PRKCZ: variants seen among roughly 807,000 people sequenced by gnomAD.
The protein encoded by PRKCZ is protein kinase C zeta, also known as protein kinase C zeta type.
In PRKCZ, 33 loss-of-function variants were observed where a neutral mutation model predicts 79.5. That is an observed-to-expected ratio of 0.41 (90% confidence interval 0.31 to 0.55). PRKCZ has a LOEUF of 0.55. PRKCZ is among the 20% of genes least tolerant of loss of function. PRKCZ has a pLI of 0.19. For missense variants in PRKCZ, 578 were observed against 813.5 expected, an observed-to-expected ratio of 0.71 and a Z score of 3.52; for synonymous variants, 342 against 320.9, an observed-to-expected ratio of 1.07 and a Z score of -0.70.
Position 2,184,644 on chromosome 1 carries a change from A to G in PRKCZ, c.1637A>G (p.Asp546Gly), listed in dbSNP as rs756365403. Residue 546 changes from aspartate (D) to glycine (G), a missense_variant, in exon 17 of 18, where the codon GAC (aspartate) becomes GGC (glycine). By Grantham distance (94) the Asp-to-Gly change is moderately conservative (BLOSUM62 -1). Around this residue, in one of 4 missense-constraint regions of PRKCZ, gnomAD observed 243 missense variants for 467.0 expected, o/e 0.52. Coordinates refer to ENST00000378567, the MANE Select transcript of PRKCZ (RefSeq NM_002744.6). ...CAGATCACAGACGACTACGGTCTGG[A>G]CAACTTTGACACACAGTTCACCAGC... is the stretch of plus-strand genomic sequence containing the variant. Reference protein sequence around the residue: ...QPQITDDYGLDNFDTQFTSEP... With the variant: ...QPQITDDYGLGNFDTQFTSEP... The G allele has an allele frequency of 7.4e-6, 12 of 1,614,058 alleles. No individual in the cohort carries two copies. The highest frequency in any genetic ancestry group is 1.3e-5 in the African/African-American group (1 of 75,036).
chr1:2,173,755 GA>G lies in PRKCZ; in HGVS notation c.1286-140del. The G allele has an allele frequency of 8.1e-7, 1 of 1,232,918 alleles. No homozygotes were observed. Among genetic ancestry groups the G allele is most frequent in the Non-Finnish European group, 1.1e-6 (1 of 911,918 alleles). The allele number at this position is 1,232,918 out of a possible 1,614,324, so 76.4% of individuals were successfully genotyped here. A position where few individuals can be genotyped will look rare whatever the true frequency, so the allele number is the denominator to read the frequency against. ...AGGTGCTGGTTCTGTTTGGGAAGTG[GA>G]AGTCACAGAGGCCTGTGTGCCGCCT... On this transcript the variant is annotated intron_variant, in intron 13 of 17. Transcript: ENST00000378567. This position sits in a 1 kb window ranked among gnomAD's most constrained non-coding sequence, Gnocchi z 5.7.
chr1:2,055,489 C>G lies in PRKCZ; in HGVS notation c.120C>G (p.Leu40=), dbSNP rs1182791168. ...ACGCCGCCACGACCTTCGAGGAGCT[C>G]TGTGAGGAAGTGAGAGACATGTGTC... is the stretch of plus-strand genomic sequence containing the variant. The part of the protein sequence containing the change: ...SVDAATTFEE[L]CEEVRDMCRL... Residue 40 remains leucine (L), a synonymous_variant, in exon 2 of 18, where the codon CTC becomes CTG. Transcript: ENST00000378567. 6 of 1,614,108 alleles carry G rather than the reference C, an allele frequency of 3.7e-6. No individual in the cohort carries two copies. The Admixed American group carries it at 6.7e-5, about 18-fold the overall frequency.
chr1:2,106,197 C>T (rs1416188679), intron 4 of PRKCZ, among the ~76,000 whole-genome samples: 1 of 152,228 alleles, frequency 6.6e-6, no homozygotes, highest in Non-Finnish European at 1.5e-5. Context: ...CAGGGCCGGA[C>T]CCAGAGCCAG....
At chr1:2,095,666 G>A (rs1055866229) in intron 4 of PRKCZ, among the ~76,000 whole-genome samples, 1 of 151,762 alleles carries the variant, frequency 6.6e-6, no homozygotes, top group South Asian at 2.1e-4. Context: ...ATGGGCTCAC[G>A]TCCGTGTGCT....
At chr1:2,138,905 G>C (rs1327733198) in intron 5 of PRKCZ, among the ~76,000 whole-genome samples, 2 of 152,238 alleles carry the variant, frequency 1.3e-5, no homozygotes, top group African/African-American at 4.8e-5. Flanking sequence ...CTGGGCGACA[G>C]AGTGAGACTC....
At chr1:2,073,950 C>G in intron 4 of PRKCZ, 1 of 1,367,588 alleles carries the variant, frequency 7.3e-7, no homozygotes, top group South Asian at 1.6e-5. Flanking sequence ...GGCATCTCCC[C>G]CGTGGATTTT....
intron 3 of PRKCZ, among the ~76,000 whole-genome samples, chr1:2,059,330 C>G (rs1571100781): frequency 6.6e-6 from 1 of 152,354 alleles, no homozygotes; most frequent in African/African-American, 2.4e-5. Context: ...GCCTTTTACT[C>G]TAAGTTTTTC....
In PRKCZ at chr1:2,177,585, A is replaced by G. The variant is rs1375053797; in HGVS notation, c.1575+2272A>G. On this transcript the variant is annotated intron_variant, in intron 16 of 17. Transcript: ENST00000378567. This position sits in a 1 kb window ranked among gnomAD's most constrained non-coding sequence, Gnocchi z 6.4. Reference sequence around the variant, plus strand: ...ACTGTCTAATCTGAGTGTGAGTCCAACCCTGCCCGAGCCGGAACTCAAGGA... The same window carrying G: ...ACTGTCTAATCTGAGTGTGAGTCCAGCCCTGCCCGAGCCGGAACTCAAGGA... Among the ~76,000 whole-genome samples, 1 of 152,050 alleles carries G rather than the reference A, an allele frequency of 6.6e-6. No individual in the cohort carries two copies. Among genetic ancestry groups the G allele is most frequent in the Non-Finnish European group, 1.5e-5 (1 of 67,980 alleles).
chr1:2,096,277 G>A (rs1227401432), intron 4 of PRKCZ, among the ~76,000 whole-genome samples: 1 of 151,984 alleles, frequency 6.6e-6, no homozygotes, highest in Non-Finnish European at 1.5e-5. Context: ...ACGGCAGCAT[G>A]ATCGGTCCCT....
At chr1:2,152,865 G>A (rs1571859325) in intron 9 of PRKCZ, among the ~76,000 whole-genome samples, 1 of 152,232 alleles carries the variant, frequency 6.6e-6, no homozygotes, top group African/African-American at 2.4e-5. Context: ...GTCCAGTGGA[G>A]GCCCCACGTT....
At chr1:2,105,971 A>T (rs1038313238) in intron 4 of PRKCZ, among the ~76,000 whole-genome samples, 2 of 152,126 alleles carry the variant, frequency 1.3e-5, no homozygotes, top group East Asian at 1.9e-4. Flanking sequence ...CCCCCTGAGG[A>T]TGAGGGGGCT....
intron 16 of PRKCZ, among the ~76,000 whole-genome samples, chr1:2,180,310 GCAGATGCACAGACAACT>G: frequency 4.6e-4 from 70 of 152,186 alleles, no homozygotes; most frequent in Non-Finnish European, 9.0e-4. Flanking sequence ...GGGACTGACT[GCAGATGCACAGACAACT>G]CAGATGCACA....
intron 10 of PRKCZ, among the ~76,000 whole-genome samples, chr1:2,162,608 A>AATTATT (rs200622172): frequency 2.6e-5 from 4 of 151,544 alleles, no homozygotes; most frequent in African/African-American, 9.7e-5. Flanking sequence ...TTCCTTGTCT[A>AATTATT]ATTATTATTA....
chr1:2,172,449 G>A lies in PRKCZ; in HGVS notation c.1285+61G>A. 2 of 1,525,132 alleles carry A rather than the reference G, an allele frequency of 1.3e-6. No individual in the cohort carries two copies. 94.5% of individuals were successfully genotyped at this position (1,525,132 alleles called of 1,614,324 possible). On this transcript the variant is annotated intron_variant, in intron 13 of 17. Transcript: ENST00000378567. The surrounding 1 kb of genome is among the most constrained non-coding windows in gnomAD (Gnocchi z 7.8). ...CAGGGCCAGAGATGGCTTCGGGCCT[G>A]GCCCAGCAGCCAGGGAGAGGTGTCC... is the stretch of plus-strand genomic sequence containing the variant.
chr1:2,098,983 A>G (rs940161321), intron 4 of PRKCZ, among the ~76,000 whole-genome samples: 8 of 152,096 alleles, frequency 5.3e-5, no homozygotes, highest in Non-Finnish European at 7.4e-5. Flanking sequence ...GCCGGGCCCA[A>G]TAGTGATGTT....
chr1:2,091,291 C>G (rs962401842), intron 4 of PRKCZ, among the ~76,000 whole-genome samples: 3 of 152,192 alleles, frequency 2.0e-5, no homozygotes, highest in Non-Finnish European at 2.9e-5. Flanking sequence ...CCCGTCTTGG[C>G]CTCCCAAAGT....
chr1:2,102,069 C>G (rs1327227512), intron 4 of PRKCZ, among the ~76,000 whole-genome samples: 6 of 152,076 alleles, frequency 3.9e-5, no homozygotes, highest in African/African-American at 9.7e-5. Flanking sequence ...TGTCTCCTTT[C>G]CCCGGTCACC....
chr1:2,175,129 G>C lies in PRKCZ; in HGVS notation c.1486-95G>C, dbSNP rs1221235386. On this transcript the variant is annotated intron_variant, in intron 15 of 17. Transcript: ENST00000378567. ...CCACCTGGGTCAGAGCATCGGGGGA[G>C]GGCTTGTCAGCACTGGGAGTGGCCA... 6 of 1,061,822 alleles carry C rather than the reference G, an allele frequency of 5.7e-6. No individual in the cohort carries two copies. The African/African-American group carries it at 6.3e-5, about 11-fold the overall frequency. The allele number at this position is 1,061,822 out of a possible 1,614,324, so 65.8% of individuals were successfully genotyped here. A position where few individuals can be genotyped will look rare whatever the true frequency, so the allele number is the denominator to read the frequency against.
rs146969912 is a variant in PRKCZ, at chr1:2,178,885, C to T, written c.1575+3572C>T. ...GTGAAAGGACACAGTGCCCGCCCCCCGAGTGTCCGAGGGTAGAGCTGGGAC... is the reference window on the plus strand; with the variant it reads ...GTGAAAGGACACAGTGCCCGCCCCCTGAGTGTCCGAGGGTAGAGCTGGGAC... On this transcript the variant is annotated intron_variant, in intron 16 of 17. Transcript: ENST00000378567. The surrounding 1 kb of genome is among the most constrained non-coding windows in gnomAD (Gnocchi z 4.3). 6.4e-4 allele frequency among the ~76,000 whole-genome samples: 97 copies of T among 152,268 alleles called. No individual in the cohort carries two copies. The highest frequency in any genetic ancestry group is 2.1e-3 in the African/African-American group (87 of 41,552).
Sources: gnomAD v4.1 joint callset for allele counts (sites outside exome capture counted in the v4.1 genomes callset) on GRCh38, gnomAD v4.1.1 for gene constraint, gnomAD v4.1.1 regional missense constraint, Gnocchi (gnomAD v3.1) non-coding constraint, MANE v1.5 for transcripts, NCBI Gene and HGNC (gene_info 2026-07-23, HGNC 2026-07-21) for gene names.